PRKDC: variants seen among roughly 807,000 people sequenced by gnomAD.
PRKDC encodes DNA-dependent protein kinase catalytic subunit.
A neutral mutation model predicts 486.9 loss-of-function variants in PRKDC; 82 were observed. The ratio of observed to expected loss-of-function variants is 0.17; its 90% CI spans 0.14 to 0.20. The LOEUF (loss-of-function observed/expected upper bound fraction) is 0.20, where lower values mean the gene tolerates loss of function less well. PRKDC is among the 10% of genes least tolerant of loss of function. The pLI is 1.00. For missense variants in PRKDC, 4,504 were observed against 5,038.2 expected (o/e 0.89, Z 3.21); for synonymous variants, 1,895 against 1,837.0 (o/e 1.03, Z -0.81).
intron 10 of PRKDC, among the ~76,000 whole-genome samples, chr8:47,941,515 G>A (rs2090445066): frequency 6.6e-6 from 1 of 152,176 alleles, no homozygotes; most frequent in Non-Finnish European, 1.5e-5. Flanking sequence ...AGGTTTGGGG[G>A]AGCACCCAGT....
chr8:47,911,393 T>C (rs1308205124), intron 25 of PRKDC, among the ~76,000 whole-genome samples: 1 of 152,240 alleles, frequency 6.6e-6, no homozygotes. Flanking sequence ...TTAAACATCA[T>C]GTGAAACTAC....
chr8:47,874,389 A>G (rs2154501157), intron 40 of PRKDC, among the ~76,000 whole-genome samples: 1 of 152,362 alleles, frequency 6.6e-6, no homozygotes, highest in African/African-American at 2.4e-5. Flanking sequence ...ATTATTACAC[A>G]TTATACACAT....
chr8:47,818,634 A>G (rs2154498888), intron 67 of PRKDC, among the ~76,000 whole-genome samples: 1 of 151,858 alleles, frequency 6.6e-6, no homozygotes, highest in South Asian at 2.1e-4. Flanking sequence ...AGATTAACAT[A>G]GCTCCTGAAA....
chr8:47,796,871 C>T (rs2086995550), intron 73 of PRKDC, among the ~76,000 whole-genome samples: 1 of 152,120 alleles, frequency 6.6e-6, no homozygotes, highest in South Asian at 2.1e-4. Context: ...AGATTACAGG[C>T]GTGAGCCACT....
At position 47,810,904 on chromosome 8, in the gene PRKDC, A is replaced by G. The variant is rs553539422; in HGVS notation, c.9558-3578T>C. Among the ~76,000 whole-genome samples the G allele has an allele frequency of 2.6e-5, 4 of 152,334 alleles. No individual in the cohort carries two copies. The East Asian group carries it at 7.7e-4, about 29-fold the overall frequency. On this transcript the variant is annotated intron_variant, in intron 68 of 85. Transcript: ENST00000314191. ...TCTGATGAATAAACAACAAAAAAAG[A>G]CAATAAAAATGAACAGAGTCAGGGA...
intron 14 of PRKDC, among the ~76,000 whole-genome samples, chr8:47,934,366 C>G (rs553258208): frequency 1.3e-4 from 20 of 152,184 alleles, no homozygotes; most frequent in Non-Finnish European, 2.4e-4. Context: ...GGCAAAATGT[C>G]TCTACTCTAA....
At chr8:47,951,716 A>G (rs952184810) in intron 7 of PRKDC, among the ~76,000 whole-genome samples, 7 of 81,800 alleles carry the variant, frequency 8.6e-5, no homozygotes, top group South Asian at 4.8e-4. Flanking sequence ...CCTGTCTCCA[A>G]AAAAAAAGGA....
At position 47,864,763 on chromosome 8, in the gene PRKDC, C is replaced by T. The variant is rs553133153; in HGVS notation, c.5364G>A (p.Arg1788=). 1.3e-6 allele frequency: 2 copies of T among 1,566,562 alleles called. No homozygotes were observed. Among genetic ancestry groups the T allele is most frequent in the East Asian group, 2.3e-5 (1 of 43,714 alleles). ...GGCCTACTTGTGTGACACATGAACC[C>T]CTAAGAAAACAAGATAAAATTATAT... ...FQSSFRRIAR[R]GSCVTQVGLL... The change falls in exon 41 of 86, where the codon AGG becomes AGA. Residue 1788 remains arginine, a splice_region_variant and synonymous_variant. Coordinates refer to ENST00000314191, the MANE Select transcript of PRKDC (RefSeq NM_006904.7).
At chr8:47,780,829 T>A (rs2086687011) in intron 80 of PRKDC, among the ~76,000 whole-genome samples, 1 of 151,860 alleles carries the variant, frequency 6.6e-6, no homozygotes, top group South Asian at 2.1e-4. Context: ...TCTCAGCTAC[T>A]CGGAAGGCTG....
chr8:47,821,869 G>A (rs2087605304), intron 64 of PRKDC, 77 bp from the exon 65 acceptor site: 1 of 1,243,916 alleles, frequency 8.0e-7, no homozygotes, highest in South Asian at 1.5e-5. Context: ...AAGGAGGAAT[G>A]TAACAATCAC....
chr8:47,953,053 A>C (rs1449987800), intron 7 of PRKDC, among the ~76,000 whole-genome samples: 1 of 152,166 alleles, frequency 6.6e-6, no homozygotes, highest in Non-Finnish European at 1.5e-5. Flanking sequence ...AGGCAGGAGA[A>C]TCACTTGAAC....
Position 47,864,783 on chromosome 8 carries a change from T to A in PRKDC, c.5364-20A>T. On this transcript the variant is annotated intron_variant, in intron 40 of 85. Coordinates refer to ENST00000314191, the MANE Select transcript of PRKDC (RefSeq NM_006904.7). ...GAACCCCTAAGAAAACAAGATAAAA[T>A]TATATGAACATCCCTGCTTTGAAGA... 1 of 1,530,128 alleles carries A rather than the reference T, an allele frequency of 6.5e-7. No homozygotes were observed. The highest frequency in any genetic ancestry group is 8.8e-7 in the Non-Finnish European group (1 of 1,133,096). 94.8% of individuals were successfully genotyped at this position (1,530,128 alleles called of 1,614,324 possible).
intron 27 of PRKDC, among the ~76,000 whole-genome samples, chr8:47,901,732 C>T (rs940152806): frequency 1.3e-5 from 2 of 152,120 alleles, no homozygotes; most frequent in African/African-American, 4.8e-5. Flanking sequence ...CCAACATAGA[C>T]ACAGGTCTGG....
At chr8:47,792,762 A>AC (rs2086903726) in intron 74 of PRKDC, among the ~76,000 whole-genome samples, 1 of 152,222 alleles carries the variant, frequency 6.6e-6, no homozygotes, top group African/African-American at 2.4e-5. Context: ...AAAAATTAAA[A>AC]ATTAAAATAA....
chr8:47,929,203 T>C (rs774245453), intron 18 of PRKDC, 25 bp from the exon 19 acceptor site: 1 of 1,459,958 alleles, frequency 6.8e-7, no homozygotes, highest in Non-Finnish European at 9.4e-7. Flanking sequence ...AGCAAGTTAG[T>C]ACACTGAACA....
Position 47,933,688 on chromosome 8 carries a change from T to C in PRKDC, c.1623+277A>G, listed in dbSNP as rs8178029. Among the ~76,000 whole-genome samples, 886 of 152,342 alleles carry C rather than the reference T, an allele frequency of 5.8e-3. 6 individuals are homozygous for C. Among genetic ancestry groups the C allele is most frequent in the Middle Eastern group, 0.024 (7 of 294 alleles). On this transcript the variant is annotated intron_variant, in intron 15 of 85. Coordinates refer to ENST00000314191, the MANE Select transcript of PRKDC (RefSeq NM_006904.7). ...ACCTGTTAGGAAGAACAGCTTAGCA[T>C]GAGCTATACCATCCTGCTATTTAAA... is the stretch of plus-strand genomic sequence containing the variant.
chr8:47,866,410 G>C (rs1007402539), intron 40 of PRKDC, among the ~76,000 whole-genome samples: 1 of 152,072 alleles, frequency 6.6e-6, no homozygotes, highest in Non-Finnish European at 1.5e-5. Flanking sequence ...CACCATCCTA[G>C]GCTCATTTTC....
chr8:47,933,124 C>T lies in PRKDC; in HGVS notation c.1672G>A (p.Glu558Lys). The T allele has an allele frequency of 2.6e-6, 4 of 1,562,644 alleles. No homozygotes were observed. The highest frequency in any genetic ancestry group is 3.5e-6 in the Non-Finnish European group (4 of 1,156,834). ...EAFFSVNSSS[E>K]SLNHLLYDEF... ...TCATAAAGTAAATGATTCAGACTTT[C>T]ACTGGAGGAATTCACAGAGAAAAAT... The change falls in exon 16 of 86, where the codon GAA becomes AAA. Residue 558 changes from glutamate to lysine, a missense_variant. Coordinates refer to ENST00000314191, the MANE Select transcript of PRKDC (RefSeq NM_006904.7).
At chr8:47,847,343 C>A (rs559856803) in intron 54 of PRKDC, among the ~76,000 whole-genome samples, 1 of 152,024 alleles carries the variant, frequency 6.6e-6, no homozygotes, top group Non-Finnish European at 1.5e-5. Flanking sequence ...AATGGAGAAC[C>A]CAGAAATAAA....
Sources: gnomAD v4.1 joint callset for allele counts (sites outside exome capture counted in the v4.1 genomes callset) on GRCh38, gnomAD v4.1.1 for gene constraint, MANE v1.5 for transcripts, NCBI Gene and HGNC (gene_info 2026-07-23, HGNC 2026-07-21) for gene names.